ROBO2: variants seen among roughly 807,000 people sequenced by gnomAD.
ROBO2 encodes the protein roundabout guidance receptor 2, also known as roundabout homolog 2.
Under a neutral mutation model 160.8 loss-of-function variants are expected in ROBO2, and 53 were observed. That is an observed-to-expected ratio of 0.33 (90% CI 0.26 to 0.41). The LOEUF (loss-of-function observed/expected upper bound fraction) is 0.41, where lower values mean the gene tolerates loss of function less well. ROBO2 is among the 10% of genes least tolerant of loss of function. ROBO2 has a pLI of 1.00. For synonymous variants in ROBO2, 664 were observed against 611.7 expected (o/e 1.09, Z -1.26); for missense variants, 1,577 against 1,722.4 (o/e 0.92, Z 1.49).
intron 2 of ROBO2, among the ~76,000 whole-genome samples, chr3:76,014,165 A>G (rs485419): frequency 2.1e-4 from 26 of 124,244 alleles, no homozygotes; most frequent in South Asian, 8.5e-4. Flanking sequence ...TATAAAGGCA[A>G]TTGGCGACTG....
chr3:77,172,423 GTTAA>G (rs1422060418), intron 2 of ROBO2, among the ~76,000 whole-genome samples: 2 of 152,064 alleles, frequency 1.3e-5, no homozygotes, highest in African/African-American at 4.8e-5. Context: ...TTAAAAATGT[GTTAA>G]TTACAGAATT....
chr3:77,305,051 A>T (rs1415676241), intron 2 of ROBO2, among the ~76,000 whole-genome samples: 2 of 152,144 alleles, frequency 1.3e-5, no homozygotes, highest in Non-Finnish European at 2.9e-5. Context: ...GGGAATATTT[A>T]TTTGCTCAAT....
chr3:76,448,778 A>G (rs1388733241), intron 2 of ROBO2, among the ~76,000 whole-genome samples: 2 of 152,172 alleles, frequency 1.3e-5, no homozygotes, highest in Admixed American at 6.6e-5. Context: ...CAATAATGCT[A>G]AAAGGTTAAC....
intron 2 of ROBO2, among the ~76,000 whole-genome samples, chr3:77,338,711 A>G (rs2066748878): frequency 6.6e-6 from 1 of 152,148 alleles, no homozygotes; most frequent in Non-Finnish European, 1.5e-5. Flanking sequence ...CAAATATTCA[A>G]TGTTTTTAAA....
At chr3:76,390,639 T>C (rs1296803732) in intron 2 of ROBO2, among the ~76,000 whole-genome samples, 1 of 152,208 alleles carries the variant, frequency 6.6e-6, no homozygotes, top group Admixed American at 6.5e-5. Context: ...GCCTACTTTA[T>C]TTATTTTTCC....
At chr3:75,925,197 A>G (rs946911655) in intron 1 of ROBO2, among the ~76,000 whole-genome samples, 6 of 151,924 alleles carry the variant, frequency 3.9e-5, no homozygotes, top group African/African-American at 1.4e-4. Flanking sequence ...GTTTCAGATC[A>G]GCCCGGGCAA....
chr3:77,212,786 T>C (rs538813550), intron 2 of ROBO2, among the ~76,000 whole-genome samples: 66 of 152,192 alleles, frequency 4.3e-4, no homozygotes, highest in Admixed American at 1.2e-3. Flanking sequence ...TAGCATGAAG[T>C]GTTGTTGAAT....
chr3:76,956,471 G>T (rs866018792), intron 2 of ROBO2, among the ~76,000 whole-genome samples: 1 of 151,656 alleles, frequency 6.6e-6, no homozygotes, highest in Non-Finnish European at 1.5e-5. Flanking sequence ...GCAGGAGAAT[G>T]GCGTGAATCC....
intron 2 of ROBO2, among the ~76,000 whole-genome samples, chr3:77,379,435 C>T (rs748254270): frequency 6.6e-6 from 1 of 151,556 alleles, no homozygotes; most frequent in Non-Finnish European, 1.5e-5. Context: ...TATTCTGGTT[C>T]GAGGGTTGCC....
intron 4 of ROBO2, among the ~76,000 whole-genome samples, chr3:77,486,203 G>A (rs965477292): frequency 2.4e-5 from 3 of 126,506 alleles, no homozygotes; most frequent in Admixed American, 1.8e-4. Flanking sequence ...TTGATTCCAT[G>A]TCTTTGCTAT....
chr3:77,407,899 G>A (rs992682317), intron 2 of ROBO2, among the ~76,000 whole-genome samples: 2 of 152,134 alleles, frequency 1.3e-5, no homozygotes, highest in East Asian at 3.9e-4. Context: ...TGACAGAATT[G>A]TAAGTTTACA....
chr3:76,387,798 T>G (rs1226468809), intron 2 of ROBO2, among the ~76,000 whole-genome samples: 1 of 152,148 alleles, frequency 6.6e-6, no homozygotes, highest in Non-Finnish European at 1.5e-5. Flanking sequence ...AGATGACAAA[T>G]GAACATCATG....
chr3:76,848,194 T>C (rs146249960), intron 2 of ROBO2, among the ~76,000 whole-genome samples: 10 of 152,172 alleles, frequency 6.6e-5, no homozygotes, highest in Non-Finnish European at 1.5e-4. Flanking sequence ...TTTGGTATAT[T>C]GCATAGGTGA....
chr3:77,062,544 C>A (rs898713912), intron 1 of ROBO2, among the ~76,000 whole-genome samples: 4 of 152,134 alleles, frequency 2.6e-5, no homozygotes, highest in Non-Finnish European at 4.4e-5. Context: ...GTACTTATTC[C>A]TGTTTACTTA....
At chr3:76,869,520 T>C (rs2071784168) in intron 2 of ROBO2, among the ~76,000 whole-genome samples, 1 of 151,782 alleles carries the variant, frequency 6.6e-6, no homozygotes, top group Non-Finnish European at 1.5e-5. Context: ...TCGTATTTTT[T>C]TTGTATTTTT....
intron 2 of ROBO2, among the ~76,000 whole-genome samples, chr3:76,052,865 G>A (rs1010650379): frequency 2.0e-5 from 3 of 151,982 alleles, no homozygotes; most frequent in Non-Finnish European, 4.4e-5. Flanking sequence ...CTTCAAAATA[G>A]CTCAGTGGTC....
At chr3:76,171,707 G>A (rs2073047529) in intron 2 of ROBO2, among the ~76,000 whole-genome samples, 1 of 151,996 alleles carries the variant, frequency 6.6e-6, no homozygotes. Flanking sequence ...TTTTAGGTAG[G>A]AGAATCAGCA....
chr3:77,491,510 T>G (rs923003300), intron 4 of ROBO2, among the ~76,000 whole-genome samples: 1 of 152,274 alleles, frequency 6.6e-6, no homozygotes. Context: ...TCCTATTGCC[T>G]ATTTAACTAC....
chr3:76,927,896 TA>T (rs2077083690), intron 2 of ROBO2, among the ~76,000 whole-genome samples: 1 of 152,078 alleles, frequency 6.6e-6, no homozygotes, highest in Non-Finnish European at 1.5e-5. Context: ...ATGACATATA[TA>T]AAAAGTTTGT....
Sources: gnomAD v4.1 joint callset for allele counts (sites outside exome capture counted in the v4.1 genomes callset) on GRCh38, gnomAD v4.1.1 for gene constraint, MANE v1.5 for transcripts, NCBI Gene and HGNC (gene_info 2026-07-23, HGNC 2026-07-21) for gene names.